Variants in COQ10B observed in about 807,000 individuals in gnomAD.
The protein encoded by COQ10B is coenzyme Q10B, also known as coenzyme Q-binding protein COQ10 homolog B, mitochondrial.
A neutral mutation model predicts 27.6 loss-of-function variants in COQ10B; 12 were observed. The ratio of observed to expected loss-of-function variants is 0.43; its 90% confidence interval spans 0.28 to 0.70. The LOEUF (loss-of-function observed/expected upper bound fraction) is 0.70. Ranked by LOEUF, COQ10B falls within the 30% of genes least tolerant of loss-of-function variation. COQ10B has a pLI of 0.17. For synonymous variants in COQ10B, 115 were observed against 103.0 expected (o/e 1.12, Z -0.71); for missense variants, 278 against 288.7 (o/e 0.96, Z 0.27).
intron 3 of COQ10B, among the ~76,000 whole-genome samples, chr2:197,465,531 A>G (rs1390172525): frequency 6.6e-6 from 1 of 151,290 alleles, no homozygotes; most frequent in African/African-American, 2.4e-5. Flanking sequence ...ACCTCAGGTG[A>G]TCTGTCTGCC....
chr2:197,473,484 A>G (rs2085905938), intron 4 of COQ10B, among the ~76,000 whole-genome samples: 1 of 141,596 alleles, frequency 7.1e-6, no homozygotes, highest in South Asian at 2.2e-4. Flanking sequence ...ACACGTATAT[A>G]TATGTATATA....
rs1355536520 is a variant in COQ10B at position 197,462,632 on chromosome 2, G to C, written c.348G>C (p.Lys116Asn). The change falls in exon 3 of 5, where the codon AAG becomes AAC. Residue 116 changes from lysine (K) to asparagine (N), a missense_variant. By Grantham distance (94) the Lys-to-Asn change is moderately conservative. This residue lies in a region of COQ10B where 183 missense variants were observed against 158.2 expected (regional missense o/e 1.16). Transcript: ENST00000263960. ...PWCKKSDVIS[K>N]RSGYCKTRLE... ...GCAAAAAATCAGATGTTATATCAAA[G>C]AGATCTGGATATTGTAAAACAAGAT... 1 of 1,599,972 alleles carries C rather than the reference G, an allele frequency of 6.3e-7. No individual in the cohort carries two copies. The highest frequency in any genetic ancestry group is 1.3e-5 in the African/African-American group (1 of 74,508).
intron 3 of COQ10B, among the ~76,000 whole-genome samples, chr2:197,465,930 A>G (rs1226602820): frequency 6.6e-6 from 1 of 152,140 alleles, no homozygotes; most frequent in Non-Finnish European, 1.5e-5. Flanking sequence ...CATCTCTACT[A>G]AAAATACAAA....
Position 197,463,477 on chromosome 2 carries a change from A to T in COQ10B, c.447+746A>T, listed in dbSNP as rs535248309. Among the ~76,000 whole-genome samples the T allele has an allele frequency of 4.5e-3, 624 of 139,466 alleles. 1 individual carries two copies. The highest frequency in any genetic ancestry group is 9.1e-3 in the African/African-American group (342 of 37,702). 91.5% of individuals were successfully genotyped at this position (139,466 alleles called of 152,430 possible). A position where few individuals can be genotyped will look rare whatever the true frequency, so the allele number is the denominator to read the frequency against. ...CACAGTGAGACTCTGTCTCAAAATT[A>T]AAAAAAAAAAAAAAAGATATAAATA... On this transcript the variant is annotated intron_variant, in intron 3 of 4. Transcript: ENST00000263960.
chr2:197,456,687 C>G (rs1192163315), intron 1 of COQ10B, among the ~76,000 whole-genome samples: 1 of 150,472 alleles, frequency 6.6e-6, no homozygotes, highest in Non-Finnish European at 1.5e-5. Context: ...ATGGCGTGAA[C>G]CCGGGAGGCA....
chr2:197,462,851 T>G (rs1457574491), intron 3 of COQ10B, 120 bp downstream of exon 3: 12 of 561,324 alleles, frequency 2.1e-5, no homozygotes. Flanking sequence ...GGTAAAAAAT[T>G]TATTATATCT....
chr2:197,456,704 G>A (rs2085703245), intron 1 of COQ10B, among the ~76,000 whole-genome samples: 1 of 151,958 alleles, frequency 6.6e-6, no homozygotes, highest in Non-Finnish European at 1.5e-5. Flanking sequence ...GGCAGAGCTT[G>A]CAGTGAGCCT....
intron 2 of COQ10B, among the ~76,000 whole-genome samples, chr2:197,460,338 A>C (rs2085743974): frequency 6.6e-6 from 1 of 151,642 alleles, no homozygotes; most frequent in Non-Finnish European, 1.5e-5. Context: ...AGTAGCAGGC[A>C]CATGCCACCA....
intron 4 of COQ10B, among the ~76,000 whole-genome samples, chr2:197,472,455 A>AACC (rs1242885960): frequency 6.6e-6 from 1 of 152,150 alleles, no homozygotes; most frequent in Non-Finnish European, 1.5e-5. Context: ...AAACAACAAC[A>AACC]ACTACAAAAT....
intron 1 of COQ10B, chr2:197,454,071 C>T (rs1043286830): frequency 1.5e-5 from 23 of 1,551,236 alleles, no homozygotes; most frequent in Middle Eastern, 1.7e-4. Context: ...TCTCCGGTTC[C>T]TTCTACCTGC....
chr2:197,463,054 T>G (rs953328883), intron 3 of COQ10B, among the ~76,000 whole-genome samples: 1 of 152,232 alleles, frequency 6.6e-6, no homozygotes, highest in African/African-American at 2.4e-5. Context: ...AAATATGAAT[T>G]AAATACTTTT....
intron 2 of COQ10B, among the ~76,000 whole-genome samples, chr2:197,461,565 G>C (rs1003694830): frequency 5.8e-5 from 1 of 17,358 alleles, no homozygotes; most frequent in Non-Finnish European, 1.2e-4. Context: ...TAGTCTGTGT[G>C]TGTGTGTGTG....
In COQ10B at chr2:197,474,358, T is replaced by C. The variant is rs1439883997; in HGVS notation, c.*434T>C. 6.6e-6 allele frequency: 1 copy of C among 152,606 alleles called. No individual in the cohort carries two copies. The highest frequency in any genetic ancestry group is 1.5e-5 in the Non-Finnish European group (1 of 68,212). 9.5% of individuals were successfully genotyped at this position (152,606 alleles called of 1,614,324 possible). A position where few individuals can be genotyped will look rare whatever the true frequency, so the allele number is the denominator to read the frequency against. On this transcript the variant is annotated 3_prime_UTR_variant, in exon 5 of 5. Transcript: ENST00000263960. ...ACTTATTGTTATAGGGCCTGCCGTA[T>C]GGCTTAGGATATTTGAGTAATCATA...
Position 197,462,708 on chromosome 2 carries a change from T to G in COQ10B, c.424T>G (p.Leu142Val), listed in dbSNP as rs1438813482. 2.0e-6 allele frequency: 3 copies of G among 1,534,664 alleles called. No homozygotes were observed. Among genetic ancestry groups the G allele is most frequent in the Non-Finnish European group, 1.7e-6 (2 of 1,147,288 alleles). Residue 142 changes from leucine to valine, a missense_variant, in exon 3 of 5, where the codon TTG becomes GTG. By Grantham distance (32) the Leu-to-Val change is conservative. Coordinates refer to ENST00000263960, the MANE Select transcript of COQ10B (RefSeq NM_025147.5). The stretch of plus-strand genomic sequence containing the variant: ...GGAGCGATATACATCAGTAGTAACC[T>G]TGGTGAAACCTCATTTAGTAAAGGT... ...VLERYTSVVT[L>V]VKPHLVKASC...
Position 197,474,001 on chromosome 2 carries a change from T to C in COQ10B, c.*77T>C, listed in dbSNP as rs1366772210. 1.4e-5 allele frequency: 17 copies of C among 1,234,220 alleles called. No homozygotes were observed. The highest frequency in any genetic ancestry group is 1.7e-5 in the Non-Finnish European group (16 of 928,722). The allele number at this position is 1,234,220 out of a possible 1,614,324, so 76.5% of individuals were successfully genotyped here. On this transcript the variant is annotated 3_prime_UTR_variant, in exon 5 of 5. Coordinates refer to ENST00000263960, the MANE Select transcript of COQ10B (RefSeq NM_025147.5). Reference sequence around the variant, plus strand: ...TAGGAAGTATTTTCATGACATGTTTTCAGAAGCCAGAAAGCATTTGTTAAA... The same window carrying C: ...TAGGAAGTATTTTCATGACATGTTTCCAGAAGCCAGAAAGCATTTGTTAAA...
At chr2:197,460,566 T>C (rs558442686) in intron 2 of COQ10B, among the ~76,000 whole-genome samples, 1 of 152,342 alleles carries the variant, frequency 6.6e-6, no homozygotes, top group African/African-American at 2.4e-5. Context: ...ACTTAAATCT[T>C]TGACATGTAA....
intron 3 of COQ10B, among the ~76,000 whole-genome samples, chr2:197,465,488 C>T (rs971970636): frequency 6.6e-6 from 1 of 151,908 alleles, no homozygotes; most frequent in Non-Finnish European, 1.5e-5. Context: ...GACGGGGTTT[C>T]TCCATATTGG....
At chr2:197,458,641 CAAATAGTCAAAT>C (rs2085724525) in intron 1 of COQ10B, among the ~76,000 whole-genome samples, 1 of 151,198 alleles carries the variant, frequency 6.6e-6, no homozygotes, top group Non-Finnish European at 1.5e-5. Flanking sequence ...CTAGTAGTGT[CAAATAGTCAAAT>C]AGTTACGTAA....
At chr2:197,469,373 A>G (rs1001796399) in intron 3 of COQ10B, among the ~76,000 whole-genome samples, 1 of 152,232 alleles carries the variant, frequency 6.6e-6, no homozygotes, top group South Asian at 2.1e-4. Flanking sequence ...TCCAGCCACA[A>G]TAAGTATTTT....
Sources: allele counts gnomAD v4.1 joint callset (sites outside exome capture counted in the v4.1 genomes callset), GRCh38; gene constraint gnomAD v4.1.1; regional missense constraint gnomAD v4.1.1; transcripts MANE v1.5; gene names NCBI Gene and HGNC (gene_info 2026-07-23, HGNC 2026-07-21).